Variants in LGR6 observed in about 807,000 individuals in gnomAD.
LGR6 encodes the protein leucine-rich repeat-containing G protein-coupled receptor 6.
Under a neutral mutation model 69.4 loss-of-function variants are expected in LGR6, and 45 were observed. The observed-to-expected ratio is 0.65, with a 90% CI of 0.51 to 0.83. LGR6 has a LOEUF of 0.83. LGR6 is among the 40% of genes least tolerant of loss of function. The pLI, the probability that LGR6 is intolerant of heterozygous loss-of-function variation, is 0.00. For synonymous variants in LGR6, 538 were observed against 555.0 expected (o/e 0.97, Z 0.43); for missense variants, 1,108 against 1,246.7 (o/e 0.89, Z 1.68).
chr1:202,215,260 C>T (rs1053861347), intron 1 of LGR6, among the ~76,000 whole-genome samples: 3 of 152,188 alleles, frequency 2.0e-5, no homozygotes, highest in African/African-American at 7.2e-5. Flanking sequence ...GAGATGTGGT[C>T]TGACTTCACC....
chr1:202,201,549 G>A (rs1037841874), intron 1 of LGR6, among the ~76,000 whole-genome samples: 10 of 152,292 alleles, frequency 6.6e-5, no homozygotes, highest in South Asian at 2.1e-4. Flanking sequence ...AGTTGCTGGT[G>A]GGGGGATTTC....
intron 9 of LGR6, among the ~76,000 whole-genome samples, chr1:202,301,719 C>T (rs536004209): frequency 7.7e-4 from 117 of 152,232 alleles, no homozygotes; most frequent in African/African-American, 2.8e-3. Flanking sequence ...CCCACTTCTT[C>T]AAAAAGCTTC....
intron 3 of LGR6, among the ~76,000 whole-genome samples, chr1:202,231,165 T>C (rs773623586): frequency 9.2e-5 from 14 of 152,042 alleles, no homozygotes; most frequent in Non-Finnish European, 1.6e-4. Flanking sequence ...CCGGAGGAAA[T>C]CTCCCTGAGC....
intron 1 of LGR6, among the ~76,000 whole-genome samples, chr1:202,201,503 C>A (rs1244381042): frequency 6.6e-6 from 1 of 152,222 alleles, no homozygotes; most frequent in Non-Finnish European, 1.5e-5. Flanking sequence ...CAAGGCTTTT[C>A]AGTGCTAAGG....
At chr1:202,236,761 T>C (rs773382941) in intron 4 of LGR6, among the ~76,000 whole-genome samples, 24 of 152,120 alleles carry the variant, frequency 1.6e-4, no homozygotes, top group Non-Finnish European at 2.6e-4. Flanking sequence ...GAAGTCAAAG[T>C]TGGGGGGCAA....
chr1:202,294,693 C>G (rs1667023813), intron 6 of LGR6, among the ~76,000 whole-genome samples: 2 of 152,220 alleles, frequency 1.3e-5, no homozygotes, highest in South Asian at 4.1e-4. Context: ...GACCAAGTCA[C>G]ACTATATCAC....
intron 4 of LGR6, among the ~76,000 whole-genome samples, chr1:202,239,376 T>C (rs1263315504): frequency 8.7e-6 from 1 of 115,302 alleles, no homozygotes; most frequent in East Asian, 2.1e-4. Context: ...TGTGTGTGTG[T>C]GTGTGTGTGG....
chr1:202,194,739 G>A (rs1658575177), intron 1 of LGR6: 6 of 354,368 alleles, frequency 1.7e-5, no homozygotes, highest in South Asian at 8.5e-5. Flanking sequence ...CTGGGAGGGG[G>A]GCCTTATCCA....
Position 202,318,531 on chromosome 1 carries a change from G to A in LGR6, c.2228G>A (p.Cys743Tyr). ...TVALVMMNSF[C>Y]FLVVAGAYIK... ...GCCCTGGTGATGATGAACTCCTTCT[G>A]TTTCCTGGTCGTGGCCGGTGCCTAC... Residue 743 changes from cysteine (C) to tyrosine (Y), a missense_variant, in exon 18 of 18, where the codon TGT (cysteine) becomes TAT (tyrosine). Coordinates refer to ENST00000367278, the MANE Select transcript of LGR6 (RefSeq NM_001017403.2). The A allele has an allele frequency of 1.2e-6, 2 of 1,614,120 alleles. No homozygotes were observed. The highest frequency in any genetic ancestry group is 1.7e-6 in the Non-Finnish European group (2 of 1,180,018).
intron 4 of LGR6, among the ~76,000 whole-genome samples, chr1:202,261,577 A>G (rs1002481961): frequency 2.0e-5 from 3 of 152,212 alleles, no homozygotes; most frequent in East Asian, 1.9e-4. Flanking sequence ...AGCATGATTT[A>G]TAGTCCTTTG....
chr1:202,220,501 G>A (rs780785689), intron 1 of LGR6, among the ~76,000 whole-genome samples: 1 of 152,200 alleles, frequency 6.6e-6, no homozygotes, highest in Non-Finnish European at 1.5e-5. Context: ...TTACAGGCGT[G>A]AGTCACCACG....
Position 202,318,599 on chromosome 1 carries a change from G to T in LGR6, c.2296G>T (p.Val766Leu). ...CDLPRGDFEA[V>L]WDCAMVRHVA... is the part of the protein sequence containing the mutation. Reference sequence around the variant, plus strand: ...CCTGCCGCGGGGCGACTTTGAGGCCGTGTGGGACTGCGCCATGGTGAGGCA... The same window carrying T: ...CCTGCCGCGGGGCGACTTTGAGGCCTTGTGGGACTGCGCCATGGTGAGGCA... The change falls in exon 18 of 18, where the codon GTG (valine) becomes TTG (leucine). Residue 766 changes from valine to leucine, a missense_variant. By Grantham distance (32) the Val-to-Leu change is conservative. Transcript: ENST00000367278. 1.2e-6 allele frequency: 2 copies of T among 1,613,968 alleles called. No homozygotes were observed. The highest frequency in any genetic ancestry group is 1.7e-6 in the Non-Finnish European group (2 of 1,180,026).
intron 4 of LGR6, among the ~76,000 whole-genome samples, chr1:202,242,840 T>C (rs1662327545): frequency 6.6e-6 from 1 of 152,166 alleles, no homozygotes. Context: ...CAAAGGACTA[T>C]TGTACCCCCA....
intron 3 of LGR6, among the ~76,000 whole-genome samples, chr1:202,234,210 T>G (rs1661329601): frequency 6.6e-6 from 1 of 152,190 alleles, no homozygotes; most frequent in African/African-American, 2.4e-5. Flanking sequence ...GCCCTTCCCT[T>G]GTATGGCCCT....
chr1:202,233,222 G>A (rs1025281425), intron 3 of LGR6, among the ~76,000 whole-genome samples: 2 of 152,198 alleles, frequency 1.3e-5, no homozygotes, highest in Non-Finnish European at 2.9e-5. Flanking sequence ...GATCTTTCTA[G>A]TTATCTCTCT....
chr1:202,282,666 G>A (rs1666098034), intron 6 of LGR6, among the ~76,000 whole-genome samples: 1 of 152,178 alleles, frequency 6.6e-6, no homozygotes. Flanking sequence ...AATCAGGTGG[G>A]GAGGGGGTAC....
intron 4 of LGR6, among the ~76,000 whole-genome samples, chr1:202,241,122 G>T (rs1467032515): frequency 6.6e-6 from 1 of 152,156 alleles, no homozygotes; most frequent in Non-Finnish European, 1.5e-5. Flanking sequence ...GGCTTTCACT[G>T]GGTGACCCTC....
At chr1:202,236,222 C>T in intron 4 of LGR6, 2 of 556,360 alleles carry the variant, frequency 3.6e-6, no homozygotes, top group Non-Finnish European at 6.4e-6. Flanking sequence ...TGCTCCCACG[C>T]CCCACTGGGG....
intron 4 of LGR6, among the ~76,000 whole-genome samples, chr1:202,271,774 C>A (rs1164984832): frequency 2.1e-5 from 3 of 145,284 alleles, no homozygotes. Context: ...CACCATGGCA[C>A]TCCAGCCTGG....
Sources: gnomAD v4.1 joint callset for allele counts (sites outside exome capture counted in the v4.1 genomes callset) on GRCh38, gnomAD v4.1.1 for gene constraint, MANE v1.5 for transcripts, NCBI Gene and HGNC (gene_info 2026-07-23, HGNC 2026-07-21) for gene names.